HAPLN1: variants seen among roughly 807,000 people sequenced by gnomAD.
HAPLN1 encodes hyaluronan and proteoglycan link protein 1, also known as Cartilage link protein.
Under a neutral mutation model 36.5 loss-of-function variants are expected in HAPLN1, and 13 were observed. That is an observed-to-expected ratio of 0.36 (90% CI 0.23 to 0.57). The LOEUF (loss-of-function observed/expected upper bound fraction) is 0.57, where lower values mean the gene tolerates loss of function less well. HAPLN1 is among the 20% of genes least tolerant of loss of function. The pLI is 0.83. For missense variants in HAPLN1, 407 were observed against 439.7 expected (o/e 0.93, Z 0.66); for synonymous variants, 202 against 169.8 (o/e 1.19, Z -1.48).
At position 83,708,478 on chromosome 5, in the gene HAPLN1, A is replaced by G. The variant is rs115357603; in HGVS notation, c.-27+12311T>C. On this transcript the variant is annotated intron_variant, in intron 1 of 4. Transcript: ENST00000274341. ...ACACAGGAAAAGAAAACCAAATACT[A>G]TATGTTCTCACTTATAAGTAGGAGC... 9.4e-3 allele frequency among the ~76,000 whole-genome samples: 1,436 copies of G among 152,276 alleles called. 34 individuals are homozygous for G. The highest frequency in any genetic ancestry group is 0.033 in the African/African-American group (1,375 of 41,560).
intron 3 of HAPLN1, among the ~76,000 whole-genome samples, 166 bp from the exon 4 acceptor site, chr5:83,644,831 C>T (rs1749809956): frequency 6.6e-6 from 1 of 152,200 alleles, no homozygotes; most frequent in Admixed American, 6.5e-5. Flanking sequence ...TTCAAGCAGC[C>T]TCTCAGTTCT....
chr5:83,685,349 G>A (rs1751094966), intron 1 of HAPLN1, among the ~76,000 whole-genome samples: 1 of 152,148 alleles, frequency 6.6e-6, no homozygotes. Flanking sequence ...ATAAATGGAA[G>A]CCTCCAGAAT....
intron 1 of HAPLN1, among the ~76,000 whole-genome samples, chr5:83,693,670 TAGAG>T (rs1237402614): frequency 1.3e-5 from 2 of 151,760 alleles, no homozygotes; most frequent in African/African-American, 4.8e-5. Flanking sequence ...AAAAGGGAGA[TAGAG>T]ACACTATATT....
At chr5:83,645,156 C>T (rs1025281276) in intron 3 of HAPLN1, among the ~76,000 whole-genome samples, 1 of 152,098 alleles carries the variant, frequency 6.6e-6, no homozygotes, top group Non-Finnish European at 1.5e-5. Flanking sequence ...TATCAAAATT[C>T]ACAATGTTTT....
chr5:83,675,577 T>G (rs2112602373), intron 1 of HAPLN1, among the ~76,000 whole-genome samples: 1 of 152,262 alleles, frequency 6.6e-6, no homozygotes, highest in East Asian at 1.9e-4. Context: ...ATATGACACA[T>G]CTATCTATGT....
At chr5:83,669,616 G>T (rs1326685391) in intron 2 of HAPLN1, among the ~76,000 whole-genome samples, 2 of 152,168 alleles carry the variant, frequency 1.3e-5, no homozygotes, top group Admixed American at 6.5e-5. Flanking sequence ...TAGAATTAAG[G>T]TGATGATATG....
intron 1 of HAPLN1, among the ~76,000 whole-genome samples, chr5:83,689,005 C>T (rs1751209136): frequency 6.6e-6 from 1 of 152,128 alleles, no homozygotes; most frequent in Non-Finnish European, 1.5e-5. Context: ...ATTCTTAGTA[C>T]ATGCATTGTA....
intron 3 of HAPLN1, among the ~76,000 whole-genome samples, chr5:83,649,206 A>G (rs1482444007): frequency 6.6e-6 from 1 of 152,066 alleles, no homozygotes; most frequent in Non-Finnish European, 1.5e-5. Context: ...TATTCCTTTT[A>G]CTTTTCCAAA....
chr5:83,683,710 C>T (rs187081750), intron 1 of HAPLN1, among the ~76,000 whole-genome samples: 2 of 152,260 alleles, frequency 1.3e-5, no homozygotes, highest in Admixed American at 1.3e-4. Context: ...GAACTGCTAT[C>T]TAAAAATTGT....
chr5:83,645,551 T>G (rs939990229), intron 3 of HAPLN1, among the ~76,000 whole-genome samples: 2 of 141,228 alleles, frequency 1.4e-5, no homozygotes, highest in African/African-American at 5.2e-5. Context: ...CAGTTCTTCT[T>G]CCAATGTGGC....
chr5:83,700,359 A>G (rs1314290329), intron 1 of HAPLN1, among the ~76,000 whole-genome samples: 1 of 152,096 alleles, frequency 6.6e-6, no homozygotes, highest in East Asian at 1.9e-4. Context: ...TTTCCCACCC[A>G]TCAGTTTGAG....
intron 2 of HAPLN1, among the ~76,000 whole-genome samples, chr5:83,662,524 T>C (rs1750433313): frequency 6.6e-6 from 1 of 152,214 alleles, no homozygotes; most frequent in Non-Finnish European, 1.5e-5. Context: ...ATCATAATTA[T>C]AGAGTGATTA....
chr5:83,685,323 C>G (rs1751094074), intron 1 of HAPLN1, among the ~76,000 whole-genome samples: 3 of 152,172 alleles, frequency 2.0e-5, no homozygotes, highest in African/African-American at 4.8e-5. Flanking sequence ...TGTGGCTTTG[C>G]ACTGCACACT....
chr5:83,672,475 G>T (rs1750756262), intron 2 of HAPLN1, among the ~76,000 whole-genome samples: 1 of 152,192 alleles, frequency 6.6e-6, no homozygotes. Flanking sequence ...AAAATAGCTA[G>T]ACATAGACAA....
At chr5:83,645,980 A>T (rs1181713913) in intron 3 of HAPLN1, among the ~76,000 whole-genome samples, 2 of 152,206 alleles carry the variant, frequency 1.3e-5, no homozygotes, top group Non-Finnish European at 2.9e-5. Flanking sequence ...TATTTTGAGG[A>T]CAAAAGTTCC....
intron 4 of HAPLN1, among the ~76,000 whole-genome samples, chr5:83,642,596 T>C (rs1749733141): frequency 6.6e-6 from 1 of 152,188 alleles, no homozygotes; most frequent in Admixed American, 6.5e-5. Flanking sequence ...TAAATACACA[T>C]GGACTGAAGA....
chr5:83,658,306 A>G (rs1222342208), intron 2 of HAPLN1, among the ~76,000 whole-genome samples: 1 of 152,168 alleles, frequency 6.6e-6, no homozygotes, highest in African/African-American at 2.4e-5. Flanking sequence ...GGTCTATTGC[A>G]AACAATCACT....
At chr5:83,712,884 C>A (rs927795807) in intron 1 of HAPLN1, among the ~76,000 whole-genome samples, 4,346 of 96,236 alleles carry the variant, frequency 0.045, no homozygotes, top group African/African-American at 0.048. Context: ...AGAACCTGGA[C>A]AAAAAAAAAA....
chr5:83,701,557 A>G (rs1157364553), intron 1 of HAPLN1, among the ~76,000 whole-genome samples: 1 of 152,250 alleles, frequency 6.6e-6, no homozygotes, highest in Non-Finnish European at 1.5e-5. Flanking sequence ...ATTTTGAAGG[A>G]TGTAAAGATG....
Sources: gnomAD v4.1 joint callset for allele counts (sites outside exome capture counted in the v4.1 genomes callset) on GRCh38, gnomAD v4.1.1 for gene constraint, MANE v1.5 for transcripts, NCBI Gene and HGNC (gene_info 2026-07-23, HGNC 2026-07-21) for gene names.